Variants in KCNH8 observed in about 807,000 individuals in gnomAD.
KCNH8 encodes potassium voltage-gated channel subfamily H member 8, also known as voltage-gated delayed rectifier potassium channel KCNH8.
Under a neutral mutation model 103.6 loss-of-function variants are expected in KCNH8, and 70 were observed. The observed-to-expected ratio is 0.68, with a 90% CI of 0.56 to 0.82. The LOEUF is 0.82. Ranked by LOEUF, KCNH8 falls within the 40% of genes least tolerant of loss-of-function variation. The probability of loss-of-function intolerance (pLI) is 0.00; values close to 1 mark genes in which losing one functional copy is unlikely to be tolerated. For synonymous variants in KCNH8, 498 were observed against 489.4 expected (o/e 1.02, Z -0.23); for missense variants, 1,217 against 1,329.9 (o/e 0.92, Z 1.32).
intron 15 of KCNH8, among the ~76,000 whole-genome samples, chr3:19,526,319 C>T (rs1409139295): frequency 6.6e-6 from 1 of 151,858 alleles, no homozygotes; most frequent in African/African-American, 2.4e-5. Context: ...TTTTCTCTGC[C>T]TATCAACGGA....
chr3:19,268,161 G>T (rs1396642012), intron 2 of KCNH8, among the ~76,000 whole-genome samples: 1 of 152,036 alleles, frequency 6.6e-6, no homozygotes, highest in Non-Finnish European at 1.5e-5. Flanking sequence ...GTACCTTATG[G>T]TCTATTAAGA....
At chr3:19,185,142 A>G (rs2063490335) in intron 1 of KCNH8, among the ~76,000 whole-genome samples, 2 of 151,842 alleles carry the variant, frequency 1.3e-5, no homozygotes, top group Non-Finnish European at 3.0e-5. Context: ...TCTTGGGTGG[A>G]TTCATAGAAG....
At chr3:19,214,488 C>T (rs916078705) in intron 1 of KCNH8, among the ~76,000 whole-genome samples, 12 of 152,142 alleles carry the variant, frequency 7.9e-5, no homozygotes, top group African/African-American at 2.4e-4. Flanking sequence ...AATGACTAAC[C>T]GATAAAAGCC....
chr3:19,505,988 C>G (rs535883208), intron 11 of KCNH8, among the ~76,000 whole-genome samples: 92 of 152,158 alleles, frequency 6.0e-4, no homozygotes, highest in African/African-American at 2.1e-3. Context: ...TTGTAAAATT[C>G]TTGTAGTGTG....
chr3:19,372,282 T>C (rs2066111480), intron 5 of KCNH8, among the ~76,000 whole-genome samples: 1 of 151,854 alleles, frequency 6.6e-6, no homozygotes, highest in Non-Finnish European at 1.5e-5. Flanking sequence ...TCCTCTTTTA[T>C]TTCCTTGAGC....
At chr3:19,202,233 T>C (rs977830463) in intron 1 of KCNH8, among the ~76,000 whole-genome samples, 1 of 152,122 alleles carries the variant, frequency 6.6e-6, no homozygotes, top group African/African-American at 2.4e-5. Flanking sequence ...TGGTTTAGCA[T>C]GTATTTGAAG....
At chr3:19,433,239 A>G (rs1187485457) in intron 7 of KCNH8, among the ~76,000 whole-genome samples, 1 of 152,198 alleles carries the variant, frequency 6.6e-6, no homozygotes, top group African/African-American at 2.4e-5. Flanking sequence ...AACAGTATAT[A>G]ATATTGCTTG....
At chr3:19,298,734 A>G (rs1374042603) in intron 3 of KCNH8, among the ~76,000 whole-genome samples, 1 of 151,966 alleles carries the variant, frequency 6.6e-6, no homozygotes, top group Admixed American at 6.6e-5. Flanking sequence ...CATCCTGGCT[A>G]ACATGGTGAA....
At chr3:19,326,362 T>TAC in intron 3 of KCNH8, among the ~76,000 whole-genome samples, 1 of 141,648 alleles carries the variant, frequency 7.1e-6, no homozygotes, top group African/African-American at 2.7e-5. Flanking sequence ...GTTAAATATA[T>TAC]ATATATATAT....
At chr3:19,308,650 G>GTCTCTCTC (rs1163604706) in intron 3 of KCNH8, among the ~76,000 whole-genome samples, 2 of 51,368 alleles carry the variant, frequency 3.9e-5, no homozygotes, top group Non-Finnish European at 7.2e-5. Context: ...GAATGTTGGG[G>GTCTCTCTC]TCTCTCTCTC....
chr3:19,391,291 G>A (rs2066433651), intron 6 of KCNH8, among the ~76,000 whole-genome samples: 2 of 151,994 alleles, frequency 1.3e-5, no homozygotes, highest in South Asian at 2.1e-4. Context: ...AGGACAGAAA[G>A]CATATCACTT....
chr3:19,185,172 T>C lies in KCNH8; in HGVS notation c.76+36377T>C, dbSNP rs184362187. On this transcript the variant is annotated intron_variant, in intron 1 of 15. Transcript: ENST00000328405. The stretch of plus-strand genomic sequence containing the variant: ...TAGAAGTGAAATTGTTGGATCATTG[T>C]AAGCTTATGTTTAACTTTCTAAAGT... Among the ~76,000 whole-genome samples, 19 of 152,096 alleles carry C rather than the reference T, an allele frequency of 1.2e-4. No homozygotes were observed. The South Asian group carries it at 2.9e-3, about 23-fold the overall frequency.
Position 19,284,877 on chromosome 3 carries a change from AAAAAGAAAAGGAAAGAAAG to A in KCNH8, c.442+3578_442+3596del, listed in dbSNP as rs1239448005. Among the ~76,000 whole-genome samples the A allele has an allele frequency of 6.6e-3, 1,003 of 151,354 alleles. 10 individuals are homozygous for A. The highest frequency in any genetic ancestry group is 0.022 in the African/African-American group (902 of 41,308). ...TAAATATGTCCTTTTTATAAAAAAAAAAAAGAAAAGGAAAGAAAGAAAAGAAAAGGAAAGAAAGAAAAGA... is the reference window on the plus strand; with the variant it reads ...TAAATATGTCCTTTTTATAAAAAAAAAAAAGAAAAGGAAAGAAAGAAAAGA... On this transcript the variant is annotated intron_variant, in intron 3 of 15. Coordinates refer to ENST00000328405, the MANE Select transcript of KCNH8 (RefSeq NM_144633.3).
intron 2 of KCNH8, among the ~76,000 whole-genome samples, chr3:19,267,081 T>A (rs942934900): frequency 6.6e-6 from 1 of 152,030 alleles, no homozygotes; most frequent in Admixed American, 6.6e-5. Context: ...TTGACATCTC[T>A]GTGCTCTGCC....
chr3:19,489,353 C>T (rs1010123009), intron 11 of KCNH8, among the ~76,000 whole-genome samples: 8 of 152,046 alleles, frequency 5.3e-5, no homozygotes, highest in African/African-American at 1.9e-4. Flanking sequence ...ACTAACTGTC[C>T]CTTTGCTACT....
chr3:19,434,934 G>T (rs753645167), intron 7 of KCNH8, among the ~76,000 whole-genome samples: 4 of 151,980 alleles, frequency 2.6e-5, no homozygotes, highest in Non-Finnish European at 5.9e-5. Context: ...AATTGGAAAT[G>T]ATCTTTTGTA....
intron 5 of KCNH8, among the ~76,000 whole-genome samples, chr3:19,348,585 G>A (rs2065758928): frequency 1.3e-5 from 2 of 151,976 alleles, no homozygotes; most frequent in Admixed American, 1.3e-4. Flanking sequence ...CTATTTTCCT[G>A]TCCCTTAAAT....
chr3:19,374,476 A>G (rs553005013), intron 5 of KCNH8, among the ~76,000 whole-genome samples: 6 of 152,112 alleles, frequency 3.9e-5, no homozygotes, highest in African/African-American at 1.4e-4. Context: ...ATCTTCCTCC[A>G]TCATTTTATT....
chr3:19,459,321 C>G (rs2125190801), intron 11 of KCNH8, among the ~76,000 whole-genome samples: 1 of 151,610 alleles, frequency 6.6e-6, no homozygotes, highest in Non-Finnish European at 1.5e-5. Flanking sequence ...TTTGCATTTT[C>G]CTAATGATTA....
Sources: allele counts gnomAD v4.1 joint callset (sites outside exome capture counted in the v4.1 genomes callset), GRCh38; gene constraint gnomAD v4.1.1; transcripts MANE v1.5; gene names NCBI Gene and HGNC (gene_info 2026-07-23, HGNC 2026-07-21).